The following ECT2L variants were observed in gnomAD, a reference collection of about 807,000 sequenced individuals.
The protein encoded by ECT2L is epithelial cell-transforming sequence 2 oncogene-like.
ECT2L carries 126 observed loss-of-function variants against 122.8 expected under a neutral mutation model. The observed-to-expected ratio is 1.03, with a 90% confidence interval of 0.89 to 1.19. ECT2L has a LOEUF of 1.19. ECT2L is among the 50% of genes most tolerant of loss of function. The pLI, the probability that ECT2L is intolerant of heterozygous loss-of-function variation, is 0.00. For synonymous variants in ECT2L, 385 were observed against 381.8 expected (o/e 1.01, Z -0.10); for missense variants, 1,012 against 1,064.1 (o/e 0.95, Z 0.68).
intron 9 of ECT2L, among the ~76,000 whole-genome samples, chr6:138,852,845 T>TA (rs756623125): frequency 2.0e-5 from 3 of 152,042 alleles, no homozygotes; most frequent in Non-Finnish European, 2.9e-5. Context: ...ATGATGGGAG[T>TA]AAGTTTATCT....
chr6:138,809,007 G>A (rs1031825249), intron 1 of ECT2L, among the ~76,000 whole-genome samples: 2 of 152,192 alleles, frequency 1.3e-5, no homozygotes, highest in African/African-American at 2.4e-5. Context: ...GATTACAGGC[G>A]TGAGCCACCA....
intron 10 of ECT2L, among the ~76,000 whole-genome samples, chr6:138,856,958 C>T (rs144724350): frequency 1.3e-5 from 2 of 152,290 alleles, no homozygotes; most frequent in Admixed American, 1.3e-4. Context: ...GCCAAGCAAA[C>T]TGAATCATAT....
At position 138,860,588 on chromosome 6, in the gene ECT2L, GTATT is replaced by G. The variant is rs776663249; in HGVS notation, c.1199-2030_1199-2027del. 1.0e-3 allele frequency among the ~76,000 whole-genome samples: 153 copies of G among 152,022 alleles called. 1 individual carries two copies. The highest frequency in any genetic ancestry group is 1.8e-3 in the Non-Finnish European group (125 of 67,988). ...CATGCAGTAATTGAAGCATTTTGGA[GTATT>G]TATTTATTCTTGGACCACAAATAGT... On this transcript the variant is annotated intron_variant, in intron 10 of 21. Coordinates refer to ENST00000541398, the MANE Select transcript of ECT2L (RefSeq NM_001077706.3).
chr6:138,867,641 C>T (rs1778091886), intron 12 of ECT2L, among the ~76,000 whole-genome samples: 1 of 140,908 alleles, frequency 7.1e-6, no homozygotes, highest in Admixed American at 7.5e-5. Flanking sequence ...GAAACCCGGT[C>T]TCTCCTAAAA....
rs545893993 is a variant in ECT2L at position 138,823,366 on chromosome 6, T to C, written c.179+8763T>C. 131 of 1,606,636 alleles carry C rather than the reference T, an allele frequency of 8.2e-5. 1 individual carries two copies. In the African/African-American group the frequency reaches 1.7e-3, roughly 21 times the overall value. ...TTGATTCAAATGCTAGAGATCTGCA[T>C]TGGATTTGTAGTACCCTTTCTTATT... is the stretch of plus-strand genomic sequence containing the variant. On this transcript the variant is annotated intron_variant, in intron 4 of 21. Coordinates refer to ENST00000541398, the MANE Select transcript of ECT2L (RefSeq NM_001077706.3).
chr6:138,802,164 C>T (rs1037950542), intron 1 of ECT2L, among the ~76,000 whole-genome samples: 6 of 152,194 alleles, frequency 3.9e-5, no homozygotes, highest in African/African-American at 9.7e-5. Context: ...CAACAACCAG[C>T]GAAGAACTGA....
At chr6:138,865,342 A>G (rs1167317416) in intron 12 of ECT2L, among the ~76,000 whole-genome samples, 164 bp downstream of exon 12, 2 of 152,234 alleles carry the variant, frequency 1.3e-5, no homozygotes, top group African/African-American at 4.8e-5. Flanking sequence ...TATAACGAAC[A>G]ACCACTAACA....
At chr6:138,804,582 A>AACACAC (rs367560936) in intron 1 of ECT2L, among the ~76,000 whole-genome samples, 2,659 of 146,448 alleles carry the variant, frequency 0.018, 88 homozygotes, top group African/African-American at 0.061. Flanking sequence ...TGAAGTTTTA[A>AACACAC]ACACACACAC....
chr6:138,841,133 TAGTC>T (rs1260582528), intron 5 of ECT2L, among the ~76,000 whole-genome samples: 1 of 152,340 alleles, frequency 6.6e-6, no homozygotes, highest in African/African-American at 2.4e-5. Flanking sequence ...ATTTTCTACC[TAGTC>T]ATTTATTTTA....
chr6:138,886,748 T>C, intron 18 of ECT2L, 109 bp from the exon 19 acceptor site: 2 of 797,788 alleles, frequency 2.5e-6, no homozygotes, highest in Non-Finnish European at 4.1e-6. Context: ...TTATAACATA[T>C]GAAAATACCA....
intron 4 of ECT2L, among the ~76,000 whole-genome samples, chr6:138,824,558 T>TATA (rs1776369603): frequency 7.6e-6 from 1 of 131,764 alleles, no homozygotes. Context: ...AAAAAAACTA[T>TATA]AAAAAAAAAC....
At chr6:138,806,661 C>T (rs1775722235) in intron 1 of ECT2L, among the ~76,000 whole-genome samples, 2 of 151,818 alleles carry the variant, frequency 1.3e-5, no homozygotes, top group Admixed American at 1.3e-4. Context: ...TACAGGTGCC[C>T]ACCACCACGC....
At chr6:138,861,331 T>C (rs1345940519) in intron 10 of ECT2L, among the ~76,000 whole-genome samples, 1 of 152,132 alleles carries the variant, frequency 6.6e-6, no homozygotes, top group Non-Finnish European at 1.5e-5. Flanking sequence ...TTGAACTAAT[T>C]TACACTCCCA....
intron 20 of ECT2L, among the ~76,000 whole-genome samples, chr6:138,898,254 G>A (rs1274742476): frequency 1.3e-5 from 2 of 152,016 alleles, no homozygotes; most frequent in Admixed American, 1.3e-4. Flanking sequence ...CTATTGACTC[G>A]ATCTAGAAAT....
chr6:138,868,014 A>G lies in ECT2L; in HGVS notation c.1475-89A>G, dbSNP rs865851689. The G allele has an allele frequency of 3.5e-5, 29 of 832,174 alleles. 2 individuals carry two copies. Among genetic ancestry groups the G allele is most frequent in the Middle Eastern group, 5.2e-4 (2 of 3,838 alleles). 51.5% of individuals were successfully genotyped at this position (832,174 alleles called of 1,614,324 possible). A position where few individuals can be genotyped will look rare whatever the true frequency, so the allele number is the denominator to read the frequency against. Reference sequence around the variant, plus strand: ...GATTCTGTCTCAAAAAAAAAAAAAAAAAAAAGAAACTGTGAGGACTGAGTT... The same window carrying G: ...GATTCTGTCTCAAAAAAAAAAAAAAGAAAAAGAAACTGTGAGGACTGAGTT... On this transcript the variant is annotated intron_variant, in intron 12 of 21. Coordinates refer to ENST00000541398, the MANE Select transcript of ECT2L (RefSeq NM_001077706.3).
intron 9 of ECT2L, among the ~76,000 whole-genome samples, chr6:138,850,742 C>T (rs1427642721): frequency 6.6e-6 from 1 of 152,014 alleles, no homozygotes; most frequent in Non-Finnish European, 1.5e-5. Context: ...TGGCTCACGC[C>T]TATAATCCCA....
rs986671710 is a variant in ECT2L at position 138,902,712 on chromosome 6, G to GA, written c.*88dup. ...TTTTCTGTTCCAAAATATCCAGTAA[G>GA]AAACAGAATAACTGTCATGGATGAT... On this transcript the variant is annotated 3_prime_UTR_variant, in exon 22 of 22. Coordinates refer to ENST00000541398, the MANE Select transcript of ECT2L (RefSeq NM_001077706.3). The GA allele has an allele frequency of 1.1e-5, 17 of 1,496,464 alleles. No individual in the cohort carries two copies. In the African/African-American group the frequency reaches 2.1e-4, roughly 18 times the overall value. The allele number at this position is 1,496,464 out of a possible 1,614,324, so 92.7% of individuals were successfully genotyped here. A position where few individuals can be genotyped will look rare whatever the true frequency, so the allele number is the denominator to read the frequency against.
At chr6:138,841,872 G>A (rs1251353077) in intron 5 of ECT2L, among the ~76,000 whole-genome samples, 3 of 152,198 alleles carry the variant, frequency 2.0e-5, no homozygotes, top group East Asian at 3.9e-4. Context: ...TTCTCTTGTC[G>A]TATGTCAAAA....
intron 16 of ECT2L, among the ~76,000 whole-genome samples, chr6:138,885,250 CATCT>C (rs1778776111): frequency 6.6e-6 from 1 of 151,860 alleles, no homozygotes; most frequent in African/African-American, 2.4e-5. Flanking sequence ...GGATGGTTTC[CATCT>C]CCTGACCTCG....
Sources: allele counts gnomAD v4.1 joint callset (sites outside exome capture counted in the v4.1 genomes callset), GRCh38; gene constraint gnomAD v4.1.1; transcripts MANE v1.5; gene names NCBI Gene and HGNC (gene_info 2026-07-23, HGNC 2026-07-21).